TRHDE: variants seen among roughly 807,000 people sequenced by gnomAD.
TRHDE encodes the protein thyrotropin-releasing hormone-degrading ectoenzyme.
Under a neutral mutation model 125.7 loss-of-function variants are expected in TRHDE, and 72 were observed. The observed-to-expected ratio is 0.57, with a 90% confidence interval of 0.47 to 0.70. The LOEUF is 0.70. Among genes scored for constraint, TRHDE ranks in the 30% least tolerant of loss-of-function variants. The probability of loss-of-function intolerance (pLI) is 0.00; values close to 1 mark genes in which losing one functional copy is unlikely to be tolerated. For synonymous variants in TRHDE, 509 were observed against 509.1 expected (o/e 1.00, Z 0.00); for missense variants, 1,110 against 1,327.1 (o/e 0.84, Z 2.54).
chr12:72,092,493 C>A (rs559151949), intron 1 of TRHDE, among the ~76,000 whole-genome samples: 1 of 152,324 alleles, frequency 6.6e-6, no homozygotes, highest in Admixed American at 6.5e-5. Context: ...GTCTCTGGGA[C>A]CTGCTTCCTA....
At chr12:72,458,370 C>T (rs944778573) in intron 3 of TRHDE, among the ~76,000 whole-genome samples, 6 of 152,098 alleles carry the variant, frequency 3.9e-5, no homozygotes, top group African/African-American at 1.4e-4. Context: ...GTCACACTTT[C>T]CTGATTTTCT....
intron 2 of TRHDE, among the ~76,000 whole-genome samples, chr12:72,337,880 A>G (rs1368323516): frequency 6.6e-6 from 1 of 151,994 alleles, no homozygotes; most frequent in Non-Finnish European, 1.5e-5. Context: ...CTGTTTTCCC[A>G]TTGCACGTAA....
chr12:72,629,663 T>G lies in TRHDE; in HGVS notation c.2675+7912T>G, dbSNP rs561911357. Among the ~76,000 whole-genome samples, 37 of 151,756 alleles carry G rather than the reference T, an allele frequency of 2.4e-4. No individual in the cohort carries two copies. The South Asian group carries it at 7.5e-3, about 31-fold the overall frequency. ...TGAGTAGCCAAAAAAATTTGCAGAT[T>G]CCAAAATATTTGTACTAAGACACAG... On this transcript the variant is annotated intron_variant, in intron 15 of 18. Transcript: ENST00000261180.
At chr12:72,145,278 T>C (rs1876202134) in intron 2 of TRHDE, among the ~76,000 whole-genome samples, 2 of 152,216 alleles carry the variant, frequency 1.3e-5, no homozygotes, top group African/African-American at 2.4e-5. Flanking sequence ...TGTAGAAATA[T>C]AATATTCTCT....
At chr12:72,130,981 T>C (rs1227754643) in intron 2 of TRHDE, among the ~76,000 whole-genome samples, 1 of 151,994 alleles carries the variant, frequency 6.6e-6, no homozygotes, top group Non-Finnish European at 1.5e-5. Context: ...TTTTTCTACA[T>C]ACTGACAAAT....
intron 15 of TRHDE, among the ~76,000 whole-genome samples, chr12:72,650,056 A>G (rs1382112038): frequency 6.6e-6 from 1 of 152,128 alleles, no homozygotes; most frequent in Admixed American, 6.6e-5. Context: ...TGAAATCAAA[A>G]TATCAAAAAC....
At chr12:72,386,794 G>A (rs963262016) in intron 3 of TRHDE, among the ~76,000 whole-genome samples, 2 of 152,144 alleles carry the variant, frequency 1.3e-5, no homozygotes, top group Admixed American at 1.3e-4. Flanking sequence ...TTTATCTTGA[G>A]CTATCAGCGG....
At chr12:72,489,448 C>T (rs187036593) in intron 5 of TRHDE, among the ~76,000 whole-genome samples, 14 of 151,826 alleles carry the variant, frequency 9.2e-5, no homozygotes, top group African/African-American at 3.4e-4. Flanking sequence ...CAACATGATT[C>T]CTCTCAAAAT....
chr12:72,372,491 T>A (rs979242167), intron 2 of TRHDE, among the ~76,000 whole-genome samples: 4 of 152,212 alleles, frequency 2.6e-5, no homozygotes, highest in African/African-American at 7.2e-5. Flanking sequence ...TGGTAATGCC[T>A]AGGTTTTCTT....
At chr12:72,308,218 G>A (rs1314622097) in intron 2 of TRHDE, among the ~76,000 whole-genome samples, 10 of 151,812 alleles carry the variant, frequency 6.6e-5, no homozygotes, top group East Asian at 1.9e-4. Context: ...CTCCAGTCCC[G>A]TAGACTATTG....
At chr12:72,285,093 A>G (rs1343031729) in intron 1 of TRHDE, among the ~76,000 whole-genome samples, 1 of 152,220 alleles carries the variant, frequency 6.6e-6, no homozygotes, top group East Asian at 1.9e-4. Flanking sequence ...GCTTTAAAAA[A>G]TGAGGCCCTC....
intron 2 of TRHDE, among the ~76,000 whole-genome samples, chr12:72,244,065 C>T (rs1386912663): frequency 6.6e-6 from 1 of 152,134 alleles, no homozygotes; most frequent in African/African-American, 2.4e-5. Context: ...CATCTCACAC[C>T]ATTTACTAAG....
intron 12 of TRHDE, among the ~76,000 whole-genome samples, chr12:72,603,681 C>T (rs1352156588): frequency 4.6e-5 from 7 of 151,932 alleles, no homozygotes; most frequent in Non-Finnish European, 7.4e-5. Flanking sequence ...GCCGAGATTG[C>T]GCCACTGCAC....
intron 3 of TRHDE, among the ~76,000 whole-genome samples, chr12:72,400,560 T>C (rs1872999242): frequency 6.6e-6 from 1 of 152,160 alleles, no homozygotes; most frequent in Non-Finnish European, 1.5e-5. Context: ...GGGAGAGTAG[T>C]GAGGACTTTG....
chr12:72,171,865 A>T (rs544364036), intron 2 of TRHDE, among the ~76,000 whole-genome samples: 7 of 152,338 alleles, frequency 4.6e-5, no homozygotes, highest in Non-Finnish European at 8.8e-5. Flanking sequence ...CCAATCTTCC[A>T]GCTGTTGAAT....
chr12:72,318,757 G>A (rs576428723), intron 2 of TRHDE, among the ~76,000 whole-genome samples: 50 of 152,056 alleles, frequency 3.3e-4, no homozygotes, highest in Non-Finnish European at 3.5e-4. Flanking sequence ...AAAATGGAAC[G>A]ATTTCAGAGT....
intron 2 of TRHDE, among the ~76,000 whole-genome samples, chr12:72,156,261 G>C (rs965085014): frequency 6.6e-6 from 1 of 152,196 alleles, no homozygotes; most frequent in Non-Finnish European, 1.5e-5. Flanking sequence ...GTATTAGGGT[G>C]GGAGTGACCC....
At chr12:72,141,060 T>C (rs1187381915) in intron 2 of TRHDE, among the ~76,000 whole-genome samples, 1 of 152,132 alleles carries the variant, frequency 6.6e-6, no homozygotes, top group East Asian at 1.9e-4. Flanking sequence ...AAAATGATTT[T>C]TAAAAAAGTA....
chr12:72,234,651 A>G (rs1202948876), intron 2 of TRHDE, among the ~76,000 whole-genome samples: 1 of 152,160 alleles, frequency 6.6e-6, no homozygotes, highest in Non-Finnish European at 1.5e-5. Context: ...AACAAAATGA[A>G]AATAAAGGCT....
Sources: allele counts gnomAD v4.1 joint callset (sites outside exome capture counted in the v4.1 genomes callset), GRCh38; gene constraint gnomAD v4.1.1; transcripts MANE v1.5; gene names NCBI Gene and HGNC (gene_info 2026-07-23, HGNC 2026-07-21).